TDRD9: variants seen among roughly 807,000 people sequenced by gnomAD.
TDRD9 encodes ATP-dependent RNA helicase TDRD9.
TDRD9 carries 124 observed loss-of-function variants against 172.6 expected under a neutral mutation model. The ratio of observed to expected loss-of-function variants is 0.72; its 90% CI spans 0.62 to 0.83. The LOEUF (loss-of-function observed/expected upper bound fraction) is 0.83, where lower values mean the gene tolerates loss of function less well. Among genes scored for constraint, TDRD9 ranks in the 40% least tolerant of loss-of-function variants. The pLI is 0.00. For missense variants in TDRD9, 1,479 were observed against 1,714.1 expected, an observed-to-expected ratio of 0.86 and a Z score of 2.42; for synonymous variants, 619 against 617.1, an observed-to-expected ratio of 1.00 and a Z score of -0.05.
chr14:103,941,558 T>G lies in TDRD9; in HGVS notation c.215+12834T>G, dbSNP rs2152120012. ...TCACTTTTTGTTCATTTTCGATTTC[T>G]TGTATTAATCTCTCTCGCTCCTTTA... is the stretch of plus-strand genomic sequence containing the variant. On this transcript the variant is annotated intron_variant, in intron 1 of 35. Transcript: ENST00000409874. 2.0e-6 allele frequency: 3 copies of G among 1,535,424 alleles called. No homozygotes were observed. The East Asian group carries it at 7.3e-5, about 38-fold the overall frequency.
chr14:104,020,333 G>A (rs1341999720), intron 23 of TDRD9, among the ~76,000 whole-genome samples: 1 of 152,176 alleles, frequency 6.6e-6, no homozygotes, highest in African/African-American at 2.4e-5. Flanking sequence ...GGTGCTGTTG[G>A]ACATGAAAAG....
intron 1 of TDRD9, among the ~76,000 whole-genome samples, chr14:103,935,866 A>G (rs1244563715): frequency 2.0e-5 from 3 of 152,190 alleles, no homozygotes; most frequent in Admixed American, 6.5e-5. Flanking sequence ...ATAAGAACTT[A>G]TTAAGGGTAC....
chr14:103,943,299 A>G (rs939355523), intron 1 of TDRD9, among the ~76,000 whole-genome samples: 4 of 151,864 alleles, frequency 2.6e-5, no homozygotes, highest in African/African-American at 9.7e-5. Flanking sequence ...GGTGCATGCT[A>G]CGGCATGCCT....
intron 5 of TDRD9, among the ~76,000 whole-genome samples, chr14:103,967,084 T>C (rs1437138128): frequency 6.6e-6 from 1 of 152,168 alleles, no homozygotes. Flanking sequence ...TAAACTCTTG[T>C]GTTTTAAACC....
rs2033435269 is a variant in TDRD9 at position 103,980,609 on chromosome 14, G to C, written c.1011+5056G>C. On this transcript the variant is annotated intron_variant, in intron 7 of 35. Transcript: ENST00000409874. This position sits in a 1 kb window ranked among gnomAD's most constrained non-coding sequence, Gnocchi z 4.5. Reference sequence around the variant, plus strand: ...ACGGTTAGGCCTCCGGATAACTGCGGGCGGGCCTAACTGATGTCAAGCCCT... The same window carrying C: ...ACGGTTAGGCCTCCGGATAACTGCGCGCGGGCCTAACTGATGTCAAGCCCT... Among the ~76,000 whole-genome samples the C allele has an allele frequency of 6.6e-6, 1 of 152,142 alleles. No individual in the cohort carries two copies. The highest frequency in any genetic ancestry group is 6.5e-5 in the Admixed American group (1 of 15,280).
chr14:104,016,791 C>T (rs143070066), intron 22 of TDRD9, among the ~76,000 whole-genome samples: 50 of 152,256 alleles, frequency 3.3e-4, no homozygotes, highest in African/African-American at 1.1e-3. Flanking sequence ...GGGTGAGAAG[C>T]GCTTGAAGTT....
intron 1 of TDRD9, among the ~76,000 whole-genome samples, chr14:103,945,013 A>T (rs2031484731): frequency 6.6e-6 from 1 of 152,192 alleles, no homozygotes; most frequent in African/African-American, 2.4e-5. Context: ...AACAAGAAAG[A>T]CCTAGTTCCT....
intron 1 of TDRD9, among the ~76,000 whole-genome samples, chr14:103,937,791 A>C (rs529907979): frequency 6.6e-6 from 1 of 151,998 alleles, no homozygotes; most frequent in South Asian, 2.1e-4. Context: ...TCCTTTCTTG[A>C]ATTCTGTTTG....
Position 104,003,276 on chromosome 14 carries a change from T to A in TDRD9, c.1484-962T>A, listed in dbSNP as rs78460519. 2.8e-4 allele frequency among the ~76,000 whole-genome samples: 43 copies of A among 152,284 alleles called. No individual in the cohort carries two copies. The East Asian group carries it at 6.9e-3, about 25-fold the overall frequency. On this transcript the variant is annotated intron_variant, in intron 13 of 35. Transcript: ENST00000409874. ...GGGACCTCTTTATGTTGGGATTTTT[T>A]ATTTTTATTAGTAGGAGAAAAAGAC... is the stretch of plus-strand genomic sequence containing the variant.
intron 9 of TDRD9, among the ~76,000 whole-genome samples, chr14:103,992,734 T>C (rs1437901973): frequency 6.6e-6 from 1 of 151,856 alleles, no homozygotes; most frequent in African/African-American, 2.4e-5. Context: ...CCATCCTGGC[T>C]AACATGGTGA....
At chr14:104,023,743 G>A (rs1595999589) in intron 24 of TDRD9, among the ~76,000 whole-genome samples, 1 of 152,220 alleles carries the variant, frequency 6.6e-6, no homozygotes, top group East Asian at 1.9e-4. Flanking sequence ...TGAGGAGTTG[G>A]TGGAGGAAGG....
intron 1 of TDRD9, among the ~76,000 whole-genome samples, chr14:103,939,269 C>T (rs2031017592): frequency 6.6e-6 from 1 of 152,062 alleles, no homozygotes. Context: ...ATTCTAGTAC[C>T]GGGCTTCATA....
chr14:104,049,473 A>C lies in TDRD9; in HGVS notation c.3975-135A>C, dbSNP rs929816194. On this transcript the variant is annotated intron_variant, in intron 34 of 35. Transcript: ENST00000409874. ...ATATTTTCTGATCATAACTGCATAA[A>C]TGTTGACCTTTAAACAGTTTATTCT... The C allele has an allele frequency of 4.6e-6, 3 of 649,886 alleles. No homozygotes were observed. In the African/African-American group the frequency reaches 5.5e-5, roughly 12 times the overall value. The allele number at this position is 649,886 out of a possible 1,614,324, so 40.3% of individuals were successfully genotyped here. A position where few individuals can be genotyped will look rare whatever the true frequency, so the allele number is the denominator to read the frequency against.
rs187691561 is a variant in TDRD9 at position 103,928,557 on chromosome 14, C to T, written c.48C>T (p.Ile16=). ...TIEQINDWFT[I]GKTVTNVELL... ...AGCAGATCAACGACTGGTTCACCAT[C>T]GGCAAGACGGTGACCAATGTGGAGC... Residue 16 remains isoleucine, a synonymous_variant, in exon 1 of 36, where the codon ATC becomes ATT. Transcript: ENST00000409874. 1.0e-5 allele frequency: 14 copies of T among 1,386,396 alleles called. No individual in the cohort carries two copies. The African/African-American group carries it at 1.7e-4, about 17-fold the overall frequency. 85.9% of individuals were successfully genotyped at this position (1,386,396 alleles called of 1,614,324 possible).
intron 7 of TDRD9, among the ~76,000 whole-genome samples, chr14:103,981,685 T>G (rs1157692593): frequency 6.6e-6 from 1 of 152,206 alleles, no homozygotes; most frequent in Non-Finnish European, 1.5e-5. Flanking sequence ...TTGAATGAGT[T>G]CAGAACACTT....
intron 21 of TDRD9, 69 bp downstream of exon 21, chr14:104,014,910 A>G (rs1364068800): frequency 1.1e-6 from 1 of 916,552 alleles, no homozygotes; most frequent in Non-Finnish European, 1.7e-6. Context: ...TGGTCGAGAA[A>G]CTGCTTATTC....
intron 13 of TDRD9, among the ~76,000 whole-genome samples, chr14:104,002,193 G>A (rs1295200596): frequency 1.3e-5 from 2 of 151,648 alleles, no homozygotes; most frequent in African/African-American, 4.8e-5. Context: ...GATGGCATGC[G>A]CCTGTACTCC....
chr14:103,945,664 G>C (rs2031517479), intron 1 of TDRD9: 1 of 152,078 alleles, frequency 6.6e-6, no homozygotes, highest in Non-Finnish European at 1.5e-5. Flanking sequence ...TTTGCTTTTT[G>C]GTCATTGTCA....
chr14:103,985,212 G>C (rs187295061), intron 7 of TDRD9, among the ~76,000 whole-genome samples: 67 of 152,196 alleles, frequency 4.4e-4, no homozygotes, highest in African/African-American at 7.7e-4. Flanking sequence ...CATGAGATTT[G>C]GGAGGGGCCA....
Sources: gnomAD v4.1 joint callset for allele counts (sites outside exome capture counted in the v4.1 genomes callset) on GRCh38, gnomAD v4.1.1 for gene constraint, Gnocchi (gnomAD v3.1) non-coding constraint, MANE v1.5 for transcripts, NCBI Gene and HGNC (gene_info 2026-07-23, HGNC 2026-07-21) for gene names.